The following ZNF91 variants were observed in gnomAD, a reference collection of about 807,000 sequenced individuals.
ZNF91 encodes zinc finger protein 91 (HPF7, HTF10).
In ZNF91, 7 loss-of-function variants were observed where a neutral mutation model predicts 12.6. The observed-to-expected ratio is 0.55, with a 90% CI of 0.31 to 1.04. The LOEUF is 1.04. Among genes scored for constraint, ZNF91 ranks in the 50% least tolerant of loss-of-function variants. ZNF91 has a pLI of 0.05. For missense variants in ZNF91, 1,217 were observed against 1,385.4 expected, an observed-to-expected ratio of 0.88 and a Z score of 1.93; for synonymous variants, 453 against 462.6, an observed-to-expected ratio of 0.98 and a Z score of 0.27.
At position 23,359,722 on chromosome 19, in the gene ZNF91, G is replaced by C. The variant is rs778300380; in HGVS notation, c.3257C>G (p.Ala1086Gly). 55 of 1,614,008 alleles carry C rather than the reference G, an allele frequency of 3.4e-5. No homozygotes were observed. Among genetic ancestry groups the C allele is most frequent in the Non-Finnish European group, 4.7e-5 (55 of 1,180,028 alleles). Residue 1086 changes from alanine to glycine, a missense_variant, in exon 4 of 4, where the codon GCA becomes GGA. Coordinates refer to ENST00000300619, the MANE Select transcript of ZNF91 (RefSeq NM_003430.4). ...KPYKCEECGK[A>G]FSQSSTLTRH... ...AGTTAGGGTTGAAGATTGGCTAAAT[G>C]CTTTGCCACATTCTTCACATTTGTA...
rs186144057 is a variant in ZNF91 at position 23,358,257 on chromosome 19, A to C, written c.*1146T>G. On this transcript the variant is annotated 3_prime_UTR_variant, in exon 4 of 4. Transcript: ENST00000300619. ...AATATGCTACATATATTTCATAAAA[A>C]TACAATAAATCATACTAAACTTTAA... The C allele has an allele frequency of 3.9e-5, 6 of 152,332 alleles. No homozygotes were observed. The highest frequency in any genetic ancestry group is 2.9e-5 in the Non-Finnish European group (2 of 68,024). 9.4% of individuals were successfully genotyped at this position (152,332 alleles called of 1,614,324 possible). A position where few individuals can be genotyped will look rare whatever the true frequency, so the allele number is the denominator to read the frequency against.
At chr19:23,369,289 G>C (rs767903951) in intron 3 of ZNF91, among the ~76,000 whole-genome samples, 14 of 151,076 alleles carry the variant, frequency 9.3e-5, no homozygotes, top group Non-Finnish European at 1.6e-4. Context: ...CACCCTGGGC[G>C]ACAGAGCAAG....
chr19:23,348,327 G>A (rs1968280272), intron 3 of ZNF91, among the ~76,000 whole-genome samples: 1 of 152,294 alleles, frequency 6.6e-6, no homozygotes, highest in African/African-American at 2.4e-5. Context: ...TGAAGCCGTG[G>A]CAGAAGAACA....
intron 3 of ZNF91, chr19:23,342,264 G>T (rs914431644): frequency 2.8e-5 from 13 of 458,954 alleles, no homozygotes; most frequent in Non-Finnish European, 4.8e-5. Flanking sequence ...AGACAGCAAG[G>T]CCTGTTTTGT....
chr19:23,306,755 C>CT (rs56247781), intron 3 of ZNF91: 151,935 of 152,374 alleles, frequency 1, 75,749 homozygotes, highest in East Asian at 1. Flanking sequence ...TGACATATCA[C>CT]GGGCCAAGTG....
At chr19:23,351,895 C>T (rs920541958) in intron 3 of ZNF91, among the ~76,000 whole-genome samples, 6 of 152,080 alleles carry the variant, frequency 3.9e-5, no homozygotes, top group Admixed American at 6.5e-5. Context: ...CCTGGGAGCT[C>T]GCTGAATCCC....
intron 1 of ZNF91, among the ~76,000 whole-genome samples, chr19:23,322,605 GAA>G (rs1291275128): frequency 6.6e-6 from 1 of 152,080 alleles, no homozygotes. Flanking sequence ...CAAAAGCCAT[GAA>G]AAGAGTCATA....
intron 3 of ZNF91, among the ~76,000 whole-genome samples, chr19:23,347,481 GGCCA>G (rs1190760912): frequency 6.6e-6 from 1 of 152,072 alleles, no homozygotes; most frequent in African/African-American, 2.4e-5. Context: ...ACCTGTACAA[GGCCA>G]GTTTCTGTGC....
intron 1 of ZNF91, among the ~76,000 whole-genome samples, chr19:23,379,254 A>G (rs1969612293): frequency 1.3e-5 from 2 of 152,190 alleles, no homozygotes; most frequent in South Asian, 4.1e-4. Flanking sequence ...GACAGCACAC[A>G]TTTTACAGCG....
At chr19:23,373,379 TATATATAA>T (rs1372373793) in intron 3 of ZNF91, among the ~76,000 whole-genome samples, 3,454 of 79,322 alleles carry the variant, frequency 0.044, 108 homozygotes, top group Non-Finnish European at 0.067. Flanking sequence ...TATATATATA[TATATATAA>T]ATAAACAGTA....
At chr19:23,388,893 A>C (rs112893052) in intron 1 of ZNF91, among the ~76,000 whole-genome samples, 1 of 152,262 alleles carries the variant, frequency 6.6e-6, no homozygotes, top group Non-Finnish European at 1.5e-5. Flanking sequence ...GAAAGAAAGA[A>C]AACAAATGCG....
intron 1 of ZNF91, chr19:23,329,091 T>G (rs1195005611): frequency 6.6e-6 from 1 of 152,234 alleles, no homozygotes; most frequent in African/African-American, 2.4e-5. Context: ...ATAAATTACA[T>G]TCTATGAAAA....
chr19:23,390,042 C>G (rs1039981725), intron 1 of ZNF91, among the ~76,000 whole-genome samples: 1 of 152,166 alleles, frequency 6.6e-6, no homozygotes, highest in African/African-American at 2.4e-5. Flanking sequence ...CCGGGACAGG[C>G]GCGCCAGCTC....
chr19:23,317,076 C>T (rs1385218048), intron 1 of ZNF91, among the ~76,000 whole-genome samples: 4 of 151,434 alleles, frequency 2.6e-5, no homozygotes, highest in Admixed American at 2.0e-4. Context: ...GGCGGAGTCT[C>T]GCTCTGTCGC....
intron 1 of ZNF91, chr19:23,384,650 C>A: frequency 1.5e-6 from 1 of 645,300 alleles, no homozygotes; most frequent in Non-Finnish European, 2.5e-6. Context: ...TTTGCCATAC[C>A]ATCCAAATCG....
At chr19:23,342,171 T>C (rs1968138864) in intron 3 of ZNF91, 2 of 487,246 alleles carry the variant, frequency 4.1e-6, no homozygotes, top group South Asian at 3.7e-5. Flanking sequence ...CTTACCTACC[T>C]GAGAAGCTGA....
In ZNF91 at chr19:23,379,742, G is replaced by A. The variant is rs76705153; in HGVS notation, c.31-4978C>T. ...ACTCTTCTACAAAAGTGGTTGAATA[G>A]GGTGCTATCTTTTTGGCTACTTGCA... On this transcript the variant is annotated intron_variant, in intron 1 of 3. Transcript: ENST00000300619. Among the ~76,000 whole-genome samples the A allele has an allele frequency of 1.0e-2, 1,509 of 151,140 alleles. No individual in the cohort carries two copies. In the East Asian group the frequency reaches 0.21, roughly 21 times the overall value.
At chr19:23,331,085 T>C (rs551977740) in intron 1 of ZNF91, among the ~76,000 whole-genome samples, 30 of 152,302 alleles carry the variant, frequency 2.0e-4, no homozygotes, top group African/African-American at 7.2e-4. Context: ...TGTTGGGTGA[T>C]GTAAGTTTTC....
At chr19:23,334,044 T>A (rs1967965947), downstream of ZNF91, among the ~76,000 whole-genome samples, 1 of 152,086 alleles carries the variant, frequency 6.6e-6, no homozygotes, top group Non-Finnish European at 1.5e-5. Flanking sequence ...AACTGGCAAG[T>A]GAAAAGTTGC....
Sources: allele counts gnomAD v4.1 joint callset (sites outside exome capture counted in the v4.1 genomes callset), GRCh38; gene constraint gnomAD v4.1.1; transcripts MANE v1.5; gene names NCBI Gene and HGNC (gene_info 2026-07-23, HGNC 2026-07-21).